The following HOXD3 variants were observed in gnomAD, a reference collection of about 807,000 sequenced individuals.
HOXD3 encodes homeobox protein Hox-D3.
A neutral mutation model predicts 32.8 loss-of-function variants in HOXD3; 13 were observed. The observed-to-expected ratio is 0.40, with a 90% CI of 0.26 to 0.63. HOXD3 has a LOEUF of 0.63. Ranked by LOEUF, HOXD3 falls within the 20% of genes least tolerant of loss-of-function variation. The probability of loss-of-function intolerance (pLI) is 0.44; values close to 1 mark genes in which losing one functional copy is unlikely to be tolerated. For missense variants in HOXD3, 504 were observed against 577.1 expected (o/e 0.87, Z 1.30); for synonymous variants, 241 against 246.8 (o/e 0.98, Z 0.22).
chr2:176,154,559 G>C (rs1447133504), upstream of HOXD3, among the ~76,000 whole-genome samples: 1 of 152,146 alleles, frequency 6.6e-6, no homozygotes, highest in East Asian at 1.9e-4. Flanking sequence ...CACTTTAGAA[G>C]GTTTCTGTTG....
At chr2:176,165,053 G>C (rs1381413084) in intron 2 of HOXD3, 1 of 152,264 alleles carries the variant, frequency 6.6e-6, no homozygotes, top group Non-Finnish European at 1.5e-5. Flanking sequence ...ATATAATCCT[G>C]CTGCTCGCAG....
upstream of HOXD3, among the ~76,000 whole-genome samples, chr2:176,153,793 AG>A (rs1479207854): frequency 2.0e-5 from 3 of 152,158 alleles, no homozygotes; most frequent in Admixed American, 1.3e-4. Context: ...TGTTTTTTTC[AG>A]CACTGTGCTT....
chr2:176,171,974 G>T lies in HOXD3; in HGVS notation c.999G>T (p.Glu333Asp), dbSNP rs1488543154. The T allele has an allele frequency of 6.2e-7, 1 of 1,610,590 alleles. No homozygotes were observed. Among genetic ancestry groups the T allele is most frequent in the Non-Finnish European group, 8.5e-7 (1 of 1,179,570 alleles). ...AACAGAAGCGCTACGCAGCGCCGGA[G>T]TTCGAGCCCCATCCCATGGCGAGCA... ...LPQQKRYAAPEFEPHPMASNG... is the reference protein window; with the variant it reads ...LPQQKRYAAPDFEPHPMASNG... The change falls in exon 4 of 4, where the codon GAG becomes GAT. Residue 333 changes from glutamate to aspartate, a missense_variant. Physicochemically the swap from Glu to Asp is conservative, Grantham distance 45 (BLOSUM62 2). Coordinates refer to ENST00000683222, the MANE Select transcript of HOXD3 (RefSeq NM_006898.5).
chr2:176,171,768 C>A lies in HOXD3; in HGVS notation c.793C>A (p.Gln265Lys). Residue 265 changes from glutamine (Q) to lysine (K), a missense_variant, in exon 4 of 4, where the codon CAG (glutamine) becomes AAG (lysine). This residue lies in a region of HOXD3 where 226 missense variants were observed against 246.9 expected (regional missense o/e 0.92). Coordinates refer to ENST00000683222, the MANE Select transcript of HOXD3 (RefSeq NM_006898.5). Reference protein sequence around the residue: ...AKGILHSPASQSPERSPPLGG... With the variant: ...AKGILHSPASKSPERSPPLGG... ...GGGCATCCTGCACTCGCCGGCTAGC[C>A]AGTCCCCTGAGCGCAGCCCACCGCT... 6.2e-7 allele frequency: 1 copy of A among 1,614,056 alleles called. No homozygotes were observed. The highest frequency in any genetic ancestry group is 8.5e-7 in the Non-Finnish European group (1 of 1,180,034).
At chr2:176,165,534 CA>C (rs1198083929) in intron 2 of HOXD3, 1 of 152,232 alleles carries the variant, frequency 6.6e-6, no homozygotes, top group Non-Finnish European at 1.5e-5. Flanking sequence ...CTGAGTTGGG[CA>C]ACTTCCCAGC....
chr2:176,153,131 T>TTGGGGTG, upstream of HOXD3: 1 of 347,152 alleles, frequency 2.9e-6, no homozygotes. Flanking sequence ...GGGATGGGGA[T>TTGGGGTG]GGGAGGGGGG....
In HOXD3 at chr2:176,169,487, A is replaced by G; in HGVS notation, c.373A>G (p.Thr125Ala). The G allele has an allele frequency of 6.2e-7, 1 of 1,613,512 alleles. No individual in the cohort carries two copies. The change falls in exon 3 of 4, where the codon ACC becomes GCC. Residue 125 changes from threonine to alanine, a missense_variant. Thr to Ala is a moderately conservative substitution (Grantham distance 58, BLOSUM62 0). Coordinates refer to ENST00000683222, the MANE Select transcript of HOXD3 (RefSeq NM_006898.5). ...QPPQPPPPPPTLPPSSPTNPG... is the reference protein window; with the variant it reads ...QPPQPPPPPPALPPSSPTNPG... ...ACCACAACCCCCTCCTCCACCACCG[A>G]CCCTGCCCCCATCTTCACCCACCAA...
upstream of HOXD3, among the ~76,000 whole-genome samples, chr2:176,155,795 C>T (rs993549462): frequency 2.0e-5 from 3 of 152,120 alleles, no homozygotes; most frequent in African/African-American, 7.2e-5. Context: ...AAAACAAAAA[C>T]AAAAACCGTG....
At position 176,169,292 on chromosome 2, in the gene HOXD3, G is replaced by T. The variant is rs1691096547; in HGVS notation, c.178G>T (p.Asp60Tyr). ...ACCCCCTGCTGCTGCCAGCTCCCTG[G>T]ACACTGACTATCCAGGTTCTGCCTG... ...YPPPAAASSLDTDYPGSACSI... is the reference protein window; with the variant it reads ...YPPPAAASSLYTDYPGSACSI... The change falls in exon 3 of 4, where the codon GAC becomes TAC. Residue 60 changes from aspartate to tyrosine, a missense_variant. Asp to Tyr is a radical substitution (Grantham distance 160). Around this residue, in one of 3 missense-constraint regions of HOXD3, gnomAD observed 181 missense variants for 172.2 expected, o/e 1.05. Transcript: ENST00000683222. 2 of 1,613,920 alleles carry T rather than the reference G, an allele frequency of 1.2e-6. No homozygotes were observed. Among genetic ancestry groups the T allele is most frequent in the East Asian group, 4.5e-5 (2 of 44,860 alleles).
At chr2:176,157,878 T>G (rs1383287794) in intron 1 of HOXD3, among the ~76,000 whole-genome samples, 2 of 152,174 alleles carry the variant, frequency 1.3e-5, no homozygotes, top group East Asian at 3.9e-4. Flanking sequence ...CCTGGTCGCC[T>G]GTGTCTACCA....
At chr2:176,157,890 G>C (rs1244899929) in intron 1 of HOXD3, among the ~76,000 whole-genome samples, 1 of 151,976 alleles carries the variant, frequency 6.6e-6, no homozygotes, top group Non-Finnish European at 1.5e-5. Context: ...TGTCTACCAG[G>C]AACAATGGTC....
chr2:176,165,705 G>C (rs1475218098), intron 2 of HOXD3: 1 of 152,434 alleles, frequency 6.6e-6, no homozygotes, highest in Non-Finnish European at 1.5e-5. Context: ...GGACTTGGAA[G>C]AAATGAGAAG....
chr2:176,164,998 G>T (rs2105442261), intron 2 of HOXD3: 1 of 152,354 alleles, frequency 6.6e-6, no homozygotes, highest in South Asian at 2.1e-4. Flanking sequence ...TCCCGCCTCC[G>T]ACCGCCGAGC....
At chr2:176,155,411 C>G (rs535060143), upstream of HOXD3, among the ~76,000 whole-genome samples, 1 of 152,170 alleles carries the variant, frequency 6.6e-6, no homozygotes, top group African/African-American at 2.4e-5. Context: ...AACCCAAGCT[C>G]CTTCTCAAAC....
rs558928170 is a variant in HOXD3, at chr2:176,169,081, T to C, written c.-34T>C. 1.6e-5 allele frequency: 25 copies of C among 1,566,666 alleles called. No individual in the cohort carries two copies. In the East Asian group the frequency reaches 4.9e-4, roughly 31 times the overall value. The stretch of plus-strand genomic sequence containing the variant: ...CAGCTCTCTCAGGATTCAGCAGACA[T>C]TGGAGGTGGCAGTGAAGGATACAGT... On this transcript the variant is annotated 5_prime_UTR_variant, in exon 3 of 4. Coordinates refer to ENST00000683222, the MANE Select transcript of HOXD3 (RefSeq NM_006898.5).
chr2:176,171,914 C>A lies in HOXD3; in HGVS notation c.939C>A (p.Ala313=), dbSNP rs1406693761. 2.5e-6 allele frequency: 4 copies of A among 1,609,628 alleles called. No individual in the cohort carries two copies. Among genetic ancestry groups the A allele is most frequent in the Non-Finnish European group, 3.4e-6 (4 of 1,178,580 alleles). ...CACAGCCCAATATGTACGGCCTGGC[C>A]GCCTACACGGCGCCACTCAGCAGCT... The part of the protein sequence containing the change: ...AKSQPNMYGL[A]AYTAPLSSCL... Residue 313 remains alanine, a synonymous_variant, in exon 4 of 4, where the codon GCC becomes GCA. Coordinates refer to ENST00000683222, the MANE Select transcript of HOXD3 (RefSeq NM_006898.5).
chr2:176,167,686 C>CTTTT lies in HOXD3; in HGVS notation c.-84-1319_-84-1316dup, dbSNP rs56761217. Among the ~76,000 whole-genome samples, 15 of 108,894 alleles carry CTTTT rather than the reference C, an allele frequency of 1.4e-4. 1 individual carries two copies. The highest frequency in any genetic ancestry group is 3.5e-4 in the African/African-American group (10 of 28,636). The allele number at this position is 108,894 out of a possible 152,430, so 71.4% of individuals were successfully genotyped here. A position where few individuals can be genotyped will look rare whatever the true frequency, so the allele number is the denominator to read the frequency against. Reference sequence around the variant, plus strand: ...TTTTGAAACCAGGTGGGGGGAGACCCTTTTTTTTTTTTTTTTTTTTTTTTT... The same window carrying CTTTT: ...TTTTGAAACCAGGTGGGGGGAGACCCTTTTTTTTTTTTTTTTTTTTTTTTTTTTT... On this transcript the variant is annotated intron_variant, in intron 2 of 3. Coordinates refer to ENST00000683222, the MANE Select transcript of HOXD3 (RefSeq NM_006898.5).
At position 176,157,345 on chromosome 2, in the gene HOXD3, G is replaced by C. The variant is rs1486535916; in HGVS notation, c.-288G>C. Among the ~76,000 whole-genome samples the C allele has an allele frequency of 1.3e-5, 2 of 152,176 alleles. No individual in the cohort carries two copies. Among genetic ancestry groups the C allele is most frequent in the East Asian group, 1.9e-4 (1 of 5,182 alleles). ...ATCTGCCACGCAAAGGGCTCTCTCCGACTTGGAAAGTGCAGGGATCCCAAG... is the reference window on the plus strand; with the variant it reads ...ATCTGCCACGCAAAGGGCTCTCTCCCACTTGGAAAGTGCAGGGATCCCAAG... On this transcript the variant is annotated 5_prime_UTR_variant, in exon 1 of 4. Coordinates refer to ENST00000683222, the MANE Select transcript of HOXD3 (RefSeq NM_006898.5).
chr2:176,154,264 A>C (rs1574974884), upstream of HOXD3, among the ~76,000 whole-genome samples: 1 of 152,098 alleles, frequency 6.6e-6, no homozygotes, highest in Non-Finnish European at 1.5e-5. Flanking sequence ...TTAAAGAATC[A>C]CTCTCAACAG....
Sources: gnomAD v4.1 joint callset for allele counts (sites outside exome capture counted in the v4.1 genomes callset) on GRCh38, gnomAD v4.1.1 for gene constraint, gnomAD v4.1.1 regional missense constraint, MANE v1.5 for transcripts, NCBI Gene and HGNC (gene_info 2026-07-23, HGNC 2026-07-21) for gene names.